LIN28B: variants seen among roughly 807,000 people sequenced by gnomAD.
The protein encoded by LIN28B is lin-28 RNA binding posttranscriptional regulator B, also known as protein lin-28 homolog B.
LIN28B carries 5 observed loss-of-function variants against 21.9 expected under a neutral mutation model. The ratio of observed to expected loss-of-function variants is 0.23; its 90% CI spans 0.12 to 0.48. The LOEUF (loss-of-function observed/expected upper bound fraction) is 0.48, where lower values mean the gene tolerates loss of function less well. Ranked by LOEUF, LIN28B falls within the 20% of genes least tolerant of loss-of-function variation. The probability of loss-of-function intolerance (pLI) is 0.98; values close to 1 mark genes in which losing one functional copy is unlikely to be tolerated. For missense variants in LIN28B, 245 were observed against 310.5 expected (o/e 0.79, Z 1.58); for synonymous variants, 109 against 111.3 (o/e 0.98, Z 0.13).
chr6:104,939,608 C>T (rs1295402431), intron 2 of LIN28B: 2 of 152,184 alleles, frequency 1.3e-5, no homozygotes, highest in African/African-American at 2.4e-5. Context: ...CACACAGCAA[C>T]GGTTTGGAGA....
At chr6:105,024,798 C>T (rs1771253584) in intron 2 of LIN28B, among the ~76,000 whole-genome samples, 1 of 152,102 alleles carries the variant, frequency 6.6e-6, no homozygotes, top group Admixed American at 6.6e-5. Context: ...AATTTGGCTA[C>T]ATGTAATTAT....
In LIN28B at chr6:104,949,150, TTAGAA is replaced by T. The variant is rs375631360; in HGVS notation, c.19-1305_19-1301del. On this transcript the variant is annotated intron_variant, in intron 2 of 5. Transcript: ENST00000635857. ...AGGATTAAGAATAGGCTGTGGACTA[TTAGAA>T]TAGAAAGGCAGAAGCTACAGTTGTG... Among the ~76,000 whole-genome samples the T allele has an allele frequency of 6.2e-4, 94 of 152,324 alleles. No individual in the cohort carries two copies. The East Asian group carries it at 0.012, about 20-fold the overall frequency.
rs1477704802 is a variant in LIN28B at position 104,993,507 on chromosome 6, G to A, written c.199-32791G>A. Reference sequence around the variant, plus strand: ...ACAAGATTTTATTGTTGAATAAATGGCCATTGTTTAATTTGTTTGTTTCAG... The same window carrying A: ...ACAAGATTTTATTGTTGAATAAATGACCATTGTTTAATTTGTTTGTTTCAG... On this transcript the variant is annotated intron_variant, in intron 2 of 3. Coordinates refer to ENST00000345080, the MANE Select transcript of LIN28B (RefSeq NM_001004317.4). Among the ~76,000 whole-genome samples the A allele has an allele frequency of 2.6e-5, 4 of 152,126 alleles. No individual in the cohort carries two copies. The East Asian group carries it at 7.8e-4, about 29-fold the overall frequency.
chr6:105,050,494 C>G (rs1436508192), intron 3 of LIN28B, among the ~76,000 whole-genome samples: 1 of 145,392 alleles, frequency 6.9e-6, no homozygotes, highest in Non-Finnish European at 1.5e-5. Flanking sequence ...CCCAGCTACT[C>G]GGGAGGCTGA....
At chr6:105,034,258 C>T (rs1771479829) in intron 3 of LIN28B, among the ~76,000 whole-genome samples, 1 of 151,666 alleles carries the variant, frequency 6.6e-6, no homozygotes, top group African/African-American at 2.4e-5. Flanking sequence ...CCACATATTC[C>T]AAGAAGTGTC....
At chr6:104,950,031 A>G (rs550262911) in intron 2 of LIN28B, among the ~76,000 whole-genome samples, 1 of 152,308 alleles carries the variant, frequency 6.6e-6, no homozygotes, top group East Asian at 1.9e-4. Context: ...CTCATGATTT[A>G]TCTTCTGAAA....
chr6:105,072,876 C>T (rs1301240995), intron 3 of LIN28B, among the ~76,000 whole-genome samples: 1 of 152,136 alleles, frequency 6.6e-6, no homozygotes, highest in East Asian at 1.9e-4. Context: ...TTTCCTAACT[C>T]CTCTCTTGGT....
Position 105,082,505 on chromosome 6 carries a change from AATAT to A in LIN28B, c.*3727_*3730del, listed in dbSNP as rs908914786. The A allele has an allele frequency of 6.6e-5, 10 of 152,646 alleles. No homozygotes were observed. The highest frequency in any genetic ancestry group is 1.5e-4 in the Non-Finnish European group (10 of 68,030). 9.5% of individuals were successfully genotyped at this position (152,646 alleles called of 1,614,324 possible). On this transcript the variant is annotated 3_prime_UTR_variant, in exon 4 of 4. Transcript: ENST00000345080. The stretch of plus-strand genomic sequence containing the variant: ...TTTCTCTAAGAAATGTTTATCATAA[AATAT>A]ATATGTGTATTTCCCCTTTGGTTAT...
chr6:104,945,803 G>A (rs989588729), intron 2 of LIN28B, among the ~76,000 whole-genome samples: 1 of 152,034 alleles, frequency 6.6e-6, no homozygotes, highest in Admixed American at 6.5e-5. Context: ...AAAGAATTGT[G>A]TTTGCCAGCT....
chr6:104,998,341 T>C (rs1770654178), intron 2 of LIN28B, among the ~76,000 whole-genome samples: 1 of 152,194 alleles, frequency 6.6e-6, no homozygotes, highest in South Asian at 2.1e-4. Context: ...TTTATTATCA[T>C]TTTGTTTAGA....
intron 3 of LIN28B, among the ~76,000 whole-genome samples, chr6:105,060,713 A>T (rs1582926209): frequency 6.6e-6 from 1 of 152,122 alleles, no homozygotes; most frequent in African/African-American, 2.4e-5. Context: ...TGCTTTTTCC[A>T]TTTCTTTGAG....
chr6:105,031,481 T>A (rs1264686763), intron 3 of LIN28B, among the ~76,000 whole-genome samples: 2 of 151,902 alleles, frequency 1.3e-5, no homozygotes, highest in Non-Finnish European at 2.9e-5. Flanking sequence ...TTTCTGTATA[T>A]AAATATATAC....
In LIN28B at chr6:104,974,505, GAAAAAGAA is replaced by G. The variant is rs1478082305; in HGVS notation, c.198+16230_198+16237del. Among the ~76,000 whole-genome samples the G allele has an allele frequency of 5.0e-3, 719 of 144,294 alleles. 5 individuals carry two copies. Among genetic ancestry groups the G allele is most frequent in the African/African-American group, 0.018 (688 of 39,162 alleles). 94.7% of individuals were successfully genotyped at this position (144,294 alleles called of 152,430 possible). ...CTCCATCTCAAAAAAAAAAAAAAAAGAAAAAGAAAAAAAGAAAATTCAGATTCAGTGGA... is the reference window on the plus strand; with the variant it reads ...CTCCATCTCAAAAAAAAAAAAAAAAGAAAAAGAAAATTCAGATTCAGTGGA... On this transcript the variant is annotated intron_variant, in intron 2 of 3. Transcript: ENST00000345080.
intron 2 of LIN28B, among the ~76,000 whole-genome samples, chr6:105,004,126 A>G (rs570894153): frequency 1.5e-4 from 23 of 152,264 alleles, no homozygotes; most frequent in Non-Finnish European, 3.1e-4. Context: ...AGGCCAGTCT[A>G]GTCTTTTCAC....
At chr6:105,047,809 G>T (rs1294520259) in intron 3 of LIN28B, among the ~76,000 whole-genome samples, 1 of 151,992 alleles carries the variant, frequency 6.6e-6, no homozygotes, top group Non-Finnish European at 1.5e-5. Context: ...TCATGATTTG[G>T]CTCTCTGTTT....
intron 3 of LIN28B, among the ~76,000 whole-genome samples, chr6:105,043,769 TG>T (rs1303279185): frequency 6.6e-6 from 1 of 151,988 alleles, no homozygotes; most frequent in Non-Finnish European, 1.5e-5. Flanking sequence ...TTAGTAGAGA[TG>T]GGGTTTCACT....
At chr6:105,010,409 C>G (rs1310272636) in intron 2 of LIN28B, among the ~76,000 whole-genome samples, 2 of 151,662 alleles carry the variant, frequency 1.3e-5, no homozygotes, top group Admixed American at 1.3e-4. Flanking sequence ...AATATCAACT[C>G]ATTACTTTCT....
chr6:105,051,668 C>T (rs531973195), intron 3 of LIN28B, among the ~76,000 whole-genome samples: 5 of 152,140 alleles, frequency 3.3e-5, no homozygotes, highest in African/African-American at 9.6e-5. Flanking sequence ...AAAGTAACTA[C>T]TTAGTAAATA....
intron 3 of LIN28B, among the ~76,000 whole-genome samples, chr6:105,074,359 G>A (rs978567377): frequency 1.3e-5 from 2 of 151,970 alleles, no homozygotes; most frequent in African/African-American, 2.4e-5. Context: ...CACCATGCCC[G>A]GCTAATTTTT....
Sources: allele counts gnomAD v4.1 joint callset (sites outside exome capture counted in the v4.1 genomes callset), GRCh38; gene constraint gnomAD v4.1.1; transcripts MANE v1.5; gene names NCBI Gene and HGNC (gene_info 2026-07-23, HGNC 2026-07-21).